Variants in EFNA5 observed in about 807,000 individuals in gnomAD.
EFNA5 encodes the protein ephrin A5, also known as ephrin-A5.
EFNA5 carries 5 observed loss-of-function variants against 22.9 expected under a neutral mutation model. The ratio of observed to expected loss-of-function variants is 0.22; its 90% CI spans 0.11 to 0.46. EFNA5 has a LOEUF of 0.46. EFNA5 is among the 20% of genes least tolerant of loss of function. EFNA5 has a pLI of 0.99. For synonymous variants in EFNA5, 113 were observed against 112.2 expected, an observed-to-expected ratio of 1.01 and a Z score of -0.04; for missense variants, 237 against 293.3, an observed-to-expected ratio of 0.81 and a Z score of 1.40.
At chr5:107,403,574 TAAAATA>T (rs1748140135) in intron 2 of EFNA5, among the ~76,000 whole-genome samples, 1 of 152,224 alleles carries the variant, frequency 6.6e-6, no homozygotes, top group South Asian at 2.1e-4. Flanking sequence ...TTCACAATAA[TAAAATA>T]GTTATTTGTC....
chr5:107,595,071 G>A (rs1051149466), intron 1 of EFNA5, among the ~76,000 whole-genome samples: 3 of 152,204 alleles, frequency 2.0e-5, no homozygotes, highest in Admixed American at 1.3e-4. Context: ...AGGAAGTGGA[G>A]TCATTGGTCC....
At chr5:107,608,018 A>G (rs1363714170) in intron 1 of EFNA5, among the ~76,000 whole-genome samples, 2 of 152,152 alleles carry the variant, frequency 1.3e-5, no homozygotes, top group Admixed American at 6.5e-5. Flanking sequence ...TTTAAAATTC[A>G]GCACCATATG....
At chr5:107,443,111 G>A (rs191870758) in intron 1 of EFNA5, among the ~76,000 whole-genome samples, 126 of 152,254 alleles carry the variant, frequency 8.3e-4, no homozygotes, top group African/African-American at 2.9e-3. Flanking sequence ...ACCATTAGGG[G>A]CATTGCTTAT....
At chr5:107,666,653 C>T (rs1212893176) in intron 1 of EFNA5, among the ~76,000 whole-genome samples, 2 of 152,036 alleles carry the variant, frequency 1.3e-5, no homozygotes, top group South Asian at 4.1e-4. Flanking sequence ...AGGTTGAGGA[C>T]GACTGGTATT....
chr5:107,610,337 C>T (rs1749802120), intron 1 of EFNA5, among the ~76,000 whole-genome samples: 1 of 152,236 alleles, frequency 6.6e-6, no homozygotes, highest in Admixed American at 6.5e-5. Context: ...GCTGAGCAGA[C>T]CCAGCCTCAC....
chr5:107,550,575 T>C (rs772923147), intron 1 of EFNA5, among the ~76,000 whole-genome samples: 1 of 152,226 alleles, frequency 6.6e-6, no homozygotes, highest in Non-Finnish European at 1.5e-5. Context: ...ATACGATATA[T>C]GTACTGTACC....
chr5:107,631,592 T>G (rs1750253570), intron 1 of EFNA5, among the ~76,000 whole-genome samples: 2 of 152,130 alleles, frequency 1.3e-5, no homozygotes, highest in Admixed American at 1.3e-4. Context: ...AGTAATTTCT[T>G]TATATAATTG....
At chr5:107,624,441 T>A (rs1490628889) in intron 1 of EFNA5, among the ~76,000 whole-genome samples, 1 of 152,138 alleles carries the variant, frequency 6.6e-6, no homozygotes, top group East Asian at 1.9e-4. Context: ...ATGGCACAAT[T>A]TTTACTATAA....
At chr5:107,654,112 G>A (rs1580584016) in intron 1 of EFNA5, among the ~76,000 whole-genome samples, 1 of 152,018 alleles carries the variant, frequency 6.6e-6, no homozygotes, top group East Asian at 1.9e-4. Flanking sequence ...GGCTATGAAG[G>A]GAGTGACTAG....
At chr5:107,628,979 CTG>C (rs1750191662) in intron 1 of EFNA5, among the ~76,000 whole-genome samples, 1 of 152,056 alleles carries the variant, frequency 6.6e-6, no homozygotes, top group Non-Finnish European at 1.5e-5. Flanking sequence ...TTATCTGAAA[CTG>C]TAGTTTCTTC....
chr5:107,555,981 C>T (rs1346652428), intron 1 of EFNA5, among the ~76,000 whole-genome samples: 1 of 152,186 alleles, frequency 6.6e-6, no homozygotes, highest in Non-Finnish European at 1.5e-5. Context: ...TTGCACGACA[C>T]AGTCTACGCT....
At chr5:107,518,812 C>A (rs2112441252) in intron 1 of EFNA5, among the ~76,000 whole-genome samples, 1 of 152,282 alleles carries the variant, frequency 6.6e-6, no homozygotes, top group African/African-American at 2.4e-5. Flanking sequence ...CTTTGAATCA[C>A]AAAGCCACCT....
chr5:107,454,162 CA>C (rs1315957748), intron 1 of EFNA5, among the ~76,000 whole-genome samples: 1 of 151,936 alleles, frequency 6.6e-6, no homozygotes, highest in East Asian at 1.9e-4. Flanking sequence ...TCAGGCTTTC[CA>C]AAAGTCCAAA....
chr5:107,597,859 T>C (rs1009460368), intron 1 of EFNA5, among the ~76,000 whole-genome samples: 3 of 152,150 alleles, frequency 2.0e-5, no homozygotes, highest in African/African-American at 7.2e-5. Flanking sequence ...AATGCGCTGA[T>C]AGAAGTGCAT....
In EFNA5 at chr5:107,484,458, T is replaced by G. The variant is rs144796969; in HGVS notation, c.126-56949A>C. 4.0e-4 allele frequency among the ~76,000 whole-genome samples: 61 copies of G among 152,278 alleles called. 1 individual carries two copies. The South Asian group carries it at 8.5e-3, about 21-fold the overall frequency. ...AACATGGAAGATTTAAATGGATCCA[T>G]TGCAACAGACGTTTTGCATGTTGGC... On this transcript the variant is annotated intron_variant, in intron 1 of 4. Transcript: ENST00000333274.
rs560800123 is a variant in EFNA5, at chr5:107,534,578, C to T, written c.126-107069G>A. Among the ~76,000 whole-genome samples, 3 of 152,290 alleles carry T rather than the reference C, an allele frequency of 2.0e-5. No homozygotes were observed. The East Asian group carries it at 5.8e-4, about 29-fold the overall frequency. On this transcript the variant is annotated intron_variant, in intron 1 of 4. Coordinates refer to ENST00000333274, the MANE Select transcript of EFNA5 (RefSeq NM_001962.3). ...GGCTTTTCTTCTTTTTAGCTGACAA[C>T]ATTCTACTAGTGTCTCTAGCTGTTT... is the stretch of plus-strand genomic sequence containing the variant.
chr5:107,482,858 CTCTCTCTCTCTCTATATATA>C (rs757713168), intron 1 of EFNA5, among the ~76,000 whole-genome samples: 81 of 91,526 alleles, frequency 8.8e-4, no homozygotes, highest in Middle Eastern at 5.4e-3. Flanking sequence ...CTCTCTCTCT[CTCTCTCTCTCTCTATATATA>C]TATATATATA....
At chr5:107,464,364 C>A (rs936012916) in intron 1 of EFNA5, among the ~76,000 whole-genome samples, 1 of 152,106 alleles carries the variant, frequency 6.6e-6, no homozygotes, top group Non-Finnish European at 1.5e-5. Flanking sequence ...CCTGCCCCAG[C>A]CCCAGAATAA....
chr5:107,622,258 A>G, intron 1 of EFNA5, among the ~76,000 whole-genome samples: 1 of 152,160 alleles, frequency 6.6e-6, no homozygotes, highest in East Asian at 1.9e-4. Context: ...CATCCTAAGG[A>G]ATGGCACAGT....
Sources: allele counts gnomAD v4.1 joint callset (sites outside exome capture counted in the v4.1 genomes callset), GRCh38; gene constraint gnomAD v4.1.1; transcripts MANE v1.5; gene names NCBI Gene and HGNC (gene_info 2026-07-23, HGNC 2026-07-21).